The following MCPH1 variants were observed in gnomAD, a reference collection of about 807,000 sequenced individuals.
The protein encoded by MCPH1 is microcephalin.
MCPH1 carries 104 observed loss-of-function variants against 84.5 expected under a neutral mutation model. That is an observed-to-expected ratio of 1.23 (90% confidence interval 1.05 to 1.45). The LOEUF is 1.45. MCPH1 is among the 40% of genes most tolerant of loss of function. The probability of loss-of-function intolerance (pLI) is 0.00; values close to 1 mark genes in which losing one functional copy is unlikely to be tolerated. For missense variants in MCPH1, 1,498 were observed against 1,005.7 expected (o/e 1.49, Z -6.62); for synonymous variants, 514 against 366.8 (o/e 1.40, Z -4.58).
rs752240176 is a variant in MCPH1, at chr8:6,647,971, G to C, written c.*4922G>C. 8 of 152,114 alleles carry C rather than the reference G, an allele frequency of 5.3e-5. No homozygotes were observed. Among genetic ancestry groups the C allele is most frequent in the Non-Finnish European group, 1.0e-4 (7 of 68,034 alleles). 9.4% of individuals were successfully genotyped at this position (152,114 alleles called of 1,614,324 possible). The stretch of plus-strand genomic sequence containing the variant: ...AACGAGAGCTACATGGCAGCCCCAG[G>C]GCAATAGCTCTCAGATCTCCCTTAG... On this transcript the variant is annotated 3_prime_UTR_variant, in exon 14 of 14. Coordinates refer to ENST00000344683, the MANE Select transcript of MCPH1 (RefSeq NM_024596.5).
intron 13 of MCPH1, among the ~76,000 whole-genome samples, chr8:6,633,066 T>C (rs1211552361): frequency 1.3e-5 from 2 of 152,112 alleles, no homozygotes; most frequent in African/African-American, 2.4e-5. Flanking sequence ...TAGATAACTT[T>C]CTTAACTATG....
intron 12 of MCPH1, among the ~76,000 whole-genome samples, chr8:6,592,107 G>A (rs948948262): frequency 6.6e-6 from 1 of 152,098 alleles, no homozygotes; most frequent in Non-Finnish European, 1.5e-5. Context: ...GTAACACCGT[G>A]TACCCATCAC....
intron 3 of MCPH1, among the ~76,000 whole-genome samples, chr8:6,419,261 C>T (rs578172435): frequency 9.2e-5 from 14 of 151,882 alleles, no homozygotes; most frequent in East Asian, 3.9e-4. Context: ...GCTCTGTTGC[C>T]GAGGCTGGAA....
chr8:6,617,525 A>G (rs1279142719), intron 12 of MCPH1, among the ~76,000 whole-genome samples: 1 of 152,106 alleles, frequency 6.6e-6, no homozygotes, highest in African/African-American at 2.4e-5. Context: ...CAACAAAAAT[A>G]AAACAACACG....
intron 12 of MCPH1, among the ~76,000 whole-genome samples, chr8:6,543,759 G>C (rs977376857): frequency 7.2e-5 from 11 of 152,096 alleles, no homozygotes; most frequent in African/African-American, 2.4e-4. Flanking sequence ...CTCTGGTTCA[G>C]TTCCCATTCT....
At chr8:6,530,172 C>T (rs1271039497) in intron 12 of MCPH1, among the ~76,000 whole-genome samples, 1 of 152,022 alleles carries the variant, frequency 6.6e-6, no homozygotes, top group Non-Finnish European at 1.5e-5. Context: ...GTGACTTAAT[C>T]ATTACTAATT....
At chr8:6,421,085 G>A (rs971684212) in intron 3 of MCPH1, among the ~76,000 whole-genome samples, 2 of 152,170 alleles carry the variant, frequency 1.3e-5, no homozygotes, top group Admixed American at 6.6e-5. Context: ...TGCACAGTGC[G>A]GGAATTGAGC....
Position 6,431,505 on chromosome 8 carries a change from G to A in MCPH1, c.240G>A (p.Arg80=), listed in dbSNP as rs780968811. Reference sequence around the variant, plus strand: ...CCTTAATTTAATTATACAGATGCAGGACAGCTGGAGCACACATTGATGAAT... The same window carrying A: ...CCTTAATTTAATTATACAGATGCAGAACAGCTGGAGCACACATTGATGAAT... ...LVSVLWVEKC[R]TAGAHIDESL... Residue 80 remains arginine, a synonymous_variant, in exon 4 of 14, where the codon AGG becomes AGA. Coordinates refer to ENST00000344683, the MANE Select transcript of MCPH1 (RefSeq NM_024596.5). The A allele has an allele frequency of 6.2e-7, 1 of 1,612,598 alleles. No homozygotes were observed. Among genetic ancestry groups the A allele is most frequent in the South Asian group, 1.1e-5 (1 of 91,016 alleles).
At chr8:6,429,755 C>A (rs978117151) in intron 3 of MCPH1, among the ~76,000 whole-genome samples, 3 of 151,852 alleles carry the variant, frequency 2.0e-5, no homozygotes, top group African/African-American at 4.9e-5. Flanking sequence ...CCATCTTAGT[C>A]CCCAACTGCC....
chr8:6,607,200 A>G (rs1411904372), intron 12 of MCPH1, among the ~76,000 whole-genome samples: 1 of 152,104 alleles, frequency 6.6e-6, no homozygotes, highest in Non-Finnish European at 1.5e-5. Context: ...GTCTTTCCCA[A>G]TACTTGGAGG....
intron 13 of MCPH1, among the ~76,000 whole-genome samples, chr8:6,627,677 G>A (rs1796848390): frequency 6.6e-6 from 1 of 151,958 alleles, no homozygotes; most frequent in Non-Finnish European, 1.5e-5. Context: ...GGTCGTTTGA[G>A]CCCAGCAGCT....
chr8:6,566,721 G>T (rs1212997502), intron 12 of MCPH1, among the ~76,000 whole-genome samples: 1 of 151,738 alleles, frequency 6.6e-6, no homozygotes, highest in Non-Finnish European at 1.5e-5. Flanking sequence ...TGTGTGATCG[G>T]CAAGGCCATG....
intron 9 of MCPH1, among the ~76,000 whole-genome samples, chr8:6,462,737 A>G (rs1301276399): frequency 6.6e-6 from 1 of 152,234 alleles, no homozygotes; most frequent in African/African-American, 2.4e-5. Flanking sequence ...AACAGGAATA[A>G]TAATAATAGT....
chr8:6,466,991 G>A (rs192014269), intron 9 of MCPH1, among the ~76,000 whole-genome samples: 310 of 152,070 alleles, frequency 2.0e-3, no homozygotes, highest in African/African-American at 7.2e-3. Flanking sequence ...ATTAATCCAG[G>A]GTAATTTCGA....
At position 6,455,183 on chromosome 8, in the gene MCPH1, C is replaced by G; in HGVS notation, c.1866C>G (p.Asp622Glu). Residue 622 changes from aspartate (D) to glutamate (E), a missense_variant, in exon 9 of 14, where the codon GAC (aspartate) becomes GAG (glutamate). Asp to Glu is a conservative substitution (Grantham distance 45, BLOSUM62 2). Coordinates refer to ENST00000344683, the MANE Select transcript of MCPH1 (RefSeq NM_024596.5). ...NRPTRHDVLD[D>E]SCDGFKDLIK... ...CAACAAGGCATGATGTTTTAGATGA[C>G]TCATGTGACGGCTTTAAGGACCTCA... is the stretch of plus-strand genomic sequence containing the variant. 1 of 1,614,046 alleles carries G rather than the reference C, an allele frequency of 6.2e-7. No homozygotes were observed. Among genetic ancestry groups the G allele is most frequent in the East Asian group, 2.2e-5 (1 of 44,850 alleles).
chr8:6,576,158 C>T (rs1827074453), intron 12 of MCPH1, among the ~76,000 whole-genome samples: 1 of 152,054 alleles, frequency 6.6e-6, no homozygotes, highest in Non-Finnish European at 1.5e-5. Flanking sequence ...TGTTCAACCT[C>T]AGGAGGGGGT....
intron 12 of MCPH1, among the ~76,000 whole-genome samples, chr8:6,614,149 T>C (rs552993312): frequency 2.0e-5 from 3 of 152,202 alleles, no homozygotes; most frequent in Non-Finnish European, 4.4e-5. Flanking sequence ...AATGTTTTGT[T>C]TTTCCAAATG....
intron 9 of MCPH1, among the ~76,000 whole-genome samples, chr8:6,458,461 G>C (rs185700495): frequency 5.2e-5 from 7 of 134,754 alleles, no homozygotes; most frequent in African/African-American, 1.5e-4. Flanking sequence ...AACAGAGTGA[G>C]ACTCCTTCTC....
At chr8:6,476,777 A>G (rs1808514069) in intron 9 of MCPH1, among the ~76,000 whole-genome samples, 1 of 152,172 alleles carries the variant, frequency 6.6e-6, no homozygotes, top group Non-Finnish European at 1.5e-5. Context: ...TATACTACAC[A>G]GTTGGTTACA....
Sources: allele counts gnomAD v4.1 joint callset (sites outside exome capture counted in the v4.1 genomes callset), GRCh38; gene constraint gnomAD v4.1.1; transcripts MANE v1.5; gene names NCBI Gene and HGNC (gene_info 2026-07-23, HGNC 2026-07-21).